The following ADGRD1 variants were observed in gnomAD, a reference collection of about 807,000 sequenced individuals.
ADGRD1 encodes adhesion G protein-coupled receptor D1, also known as G-protein coupled receptor 133.
In ADGRD1, 77 loss-of-function variants were observed where a neutral mutation model predicts 113.4. The observed-to-expected ratio is 0.68, with a 90% CI of 0.57 to 0.82. The LOEUF (loss-of-function observed/expected upper bound fraction) is 0.82. ADGRD1 is among the 40% of genes least tolerant of loss of function. ADGRD1 has a pLI of 0.00. For missense variants in ADGRD1, 1,036 were observed against 1,139.1 expected (o/e 0.91, Z 1.30); for synonymous variants, 474 against 475.0 (o/e 1.00, Z 0.03).
In ADGRD1 at chr12:130,966,585, A is replaced by C; in HGVS notation, c.187+39A>C. The C allele has an allele frequency of 7.8e-7, 1 of 1,288,392 alleles. No individual in the cohort carries two copies. The allele number at this position is 1,288,392 out of a possible 1,614,324, so 79.8% of individuals were successfully genotyped here. A position where few individuals can be genotyped will look rare whatever the true frequency, so the allele number is the denominator to read the frequency against. ...TGCTGAGAGCGGCTGTGGGCGCGGG[A>C]ATCCCAGGGCCATCAGGAGGCGTGG... On this transcript the variant is annotated intron_variant, in intron 3 of 24. Transcript: ENST00000261654. The surrounding 1 kb of genome is among the most constrained non-coding windows in gnomAD (Gnocchi z 4.6).
chr12:131,099,708 A>G (rs1008137219), intron 15 of ADGRD1, among the ~76,000 whole-genome samples: 1 of 152,140 alleles, frequency 6.6e-6, no homozygotes, highest in Non-Finnish European at 1.5e-5. Flanking sequence ...ATCATCTATC[A>G]TTTTTACCTA....
Position 131,139,218 on chromosome 12 carries a change from C to T in ADGRD1, c.2580C>T (p.Asp860=). The change falls in exon 25 of 25, where the codon GAC becomes GAT. Residue 860 remains aspartate (D), a synonymous_variant. Coordinates refer to ENST00000261654, the MANE Select transcript of ADGRD1 (RefSeq NM_198827.5). ...GMASTKLSPW[D]KSSHSAHRVD... ...CCTCCACCAAGCTCAGCCCTTGGGA[C>T]AAGAGCAGCCACTCTGCCCACCGCG... The T allele has an allele frequency of 6.2e-7, 1 of 1,612,500 alleles. No homozygotes were observed. The highest frequency in any genetic ancestry group is 8.5e-7 in the Non-Finnish European group (1 of 1,179,768).
chr12:131,044,248 A>T (rs1316488575), intron 13 of ADGRD1, among the ~76,000 whole-genome samples: 1 of 152,186 alleles, frequency 6.6e-6, no homozygotes, highest in East Asian at 1.9e-4. Flanking sequence ...TGTTAGAAGG[A>T]TGAAGCGGCC....
At chr12:131,128,476 C>G (rs544391126) in intron 20 of ADGRD1, among the ~76,000 whole-genome samples, 135 of 152,178 alleles carry the variant, frequency 8.9e-4, no homozygotes, top group Non-Finnish European at 1.6e-3. Context: ...CCGTCATTCA[C>G]AGGAAATGGG....
intron 8 of ADGRD1, among the ~76,000 whole-genome samples, chr12:130,996,525 C>CA (rs1875392588): frequency 8.5e-6 from 1 of 117,470 alleles, no homozygotes; most frequent in African/African-American, 3.3e-5. Context: ...GCTGGCCGGG[C>CA]GGGGGGCTGA....
chr12:131,076,862 TCCTGGA>T lies in ADGRD1; in HGVS notation c.1537_1542del (p.Leu513_Asp514del), dbSNP rs774474761. The T allele has an allele frequency of 4.7e-5, 76 of 1,613,988 alleles. No homozygotes were observed. In the East Asian group the frequency reaches 1.7e-3, roughly 35 times the overall value. ...AACCGAGTCTTCGTGTACTGCGCCT[TCCTGGA>T]CTTCAGGTACCCTCTGCACAGGGGA... On this transcript the variant is annotated inframe_deletion, in exon 14 of 25. Coordinates refer to ENST00000261654, the MANE Select transcript of ADGRD1 (RefSeq NM_198827.5).
At chr12:131,107,357 A>G (rs576645536) in intron 17 of ADGRD1, among the ~76,000 whole-genome samples, 1 of 151,420 alleles carries the variant, frequency 6.6e-6, no homozygotes, top group African/African-American at 2.4e-5. Flanking sequence ...ATCCCAGGGA[A>G]GGGCTCTGAT....
chr12:131,104,981 T>C (rs1267796613), intron 16 of ADGRD1, 47 bp downstream of exon 16: 2 of 1,275,440 alleles, frequency 1.6e-6, no homozygotes, highest in African/African-American at 1.5e-5. Flanking sequence ...GGCCCCTGCC[T>C]GCACCCAGAT....
At chr12:131,117,494 C>G (rs1950495048) in intron 18 of ADGRD1, among the ~76,000 whole-genome samples, 1 of 152,188 alleles carries the variant, frequency 6.6e-6, no homozygotes, top group East Asian at 1.9e-4. Context: ...GGACCCCAAG[C>G]TCACTGACAT....
intron 13 of ADGRD1, among the ~76,000 whole-genome samples, chr12:131,067,425 G>C (rs1018971849): frequency 9.9e-5 from 15 of 152,256 alleles, no homozygotes; most frequent in Non-Finnish European, 1.8e-4. Flanking sequence ...CCCTGGAGGA[G>C]GTGTGCCTGG....
At chr12:131,042,387 G>A (rs1210078999) in intron 13 of ADGRD1, among the ~76,000 whole-genome samples, 2 of 152,166 alleles carry the variant, frequency 1.3e-5, no homozygotes, top group Non-Finnish European at 2.9e-5. Flanking sequence ...TTGCTGCCCC[G>A]ACACTGATGA....
At chr12:130,955,858 G>A (rs1350515715) in intron 2 of ADGRD1, among the ~76,000 whole-genome samples, 4 of 151,986 alleles carry the variant, frequency 2.6e-5, no homozygotes, top group Admixed American at 6.6e-5. Context: ...TCTCAGTCTC[G>A]GCTCTCTGCT....
At chr12:131,130,881 A>C (rs976789926) in intron 20 of ADGRD1, among the ~76,000 whole-genome samples, 10 of 152,178 alleles carry the variant, frequency 6.6e-5, no homozygotes, top group Admixed American at 5.9e-4. Flanking sequence ...CTGCCCTGTG[A>C]GGCCGGCGAG....
At chr12:130,981,645 T>C (rs1450914013) in intron 4 of ADGRD1, among the ~76,000 whole-genome samples, 2 of 152,178 alleles carry the variant, frequency 1.3e-5, no homozygotes, top group East Asian at 3.9e-4. Context: ...AGGATTTTTG[T>C]ACTTTTTAAA....
Position 131,104,844 on chromosome 12 carries a change from AC to A in ADGRD1, c.1687del (p.Gln563ArgfsTer32). On this transcript the variant is annotated frameshift_variant, in exon 16 of 25. Transcript: ENST00000261654. LOFTEE classifies it high-confidence loss of function. ...TGCTCCCCGCAGCTTGCACGCGGAC[AC>A]CAGGTGGCGCTGTCGTCTATCAGCT... is the stretch of plus-strand genomic sequence containing the variant. ...QVVPLELARG[H>X]QVALSSISYV... 1 of 1,548,412 alleles carries A rather than the reference AC, an allele frequency of 6.5e-7. No individual in the cohort carries two copies. Among genetic ancestry groups the A allele is most frequent in the Non-Finnish European group, 8.7e-7 (1 of 1,146,844 alleles).
intron 15 of ADGRD1, chr12:131,092,171 C>G (rs1305596167): frequency 6.6e-6 from 1 of 152,506 alleles, no homozygotes; most frequent in Non-Finnish European, 1.5e-5. Context: ...GAGTGAGGAC[C>G]TGAGGTTAAC....
chr12:131,108,529 C>G (rs1418951253), intron 17 of ADGRD1, among the ~76,000 whole-genome samples, 195 bp from the exon 18 acceptor site: 1 of 152,136 alleles, frequency 6.6e-6, no homozygotes, highest in Non-Finnish European at 1.5e-5. Context: ...CAACATGGTG[C>G]TGTAATTGGC....
At chr12:130,994,352 A>G (rs947921791) in intron 8 of ADGRD1, 50 of 368,146 alleles carry the variant, frequency 1.4e-4, no homozygotes, top group Non-Finnish European at 2.5e-4. Context: ...CCTTCTATGC[A>G]GTTAGCACTT....
intron 13 of ADGRD1, among the ~76,000 whole-genome samples, chr12:131,037,452 T>C (rs1177083254): frequency 7.3e-6 from 1 of 136,844 alleles, no homozygotes; most frequent in Non-Finnish European, 1.6e-5. Context: ...ACTCACTGCA[T>C]GGGGCCTCAC....
Sources: allele counts gnomAD v4.1 joint callset (sites outside exome capture counted in the v4.1 genomes callset), GRCh38; gene constraint gnomAD v4.1.1; non-coding constraint Gnocchi (gnomAD v3.1); transcripts MANE v1.5; gene names NCBI Gene and HGNC (gene_info 2026-07-23, HGNC 2026-07-21).